Variants in CDH2 observed in about 807,000 individuals in gnomAD.
CDH2 encodes the protein cadherin 2, also known as cadherin-2.
In CDH2, 17 loss-of-function variants were observed where a neutral mutation model predicts 92.0. The ratio of observed to expected loss-of-function variants is 0.18; its 90% CI spans 0.13 to 0.28. CDH2 has a LOEUF of 0.28. Ranked by LOEUF, CDH2 falls within the 10% of genes least tolerant of loss-of-function variation. The pLI, the probability that CDH2 is intolerant of heterozygous loss-of-function variation, is 1.00. For missense variants in CDH2, 862 were observed against 1,133.1 expected, an observed-to-expected ratio of 0.76 and a Z score of 3.44; for synonymous variants, 419 against 415.9, an observed-to-expected ratio of 1.01 and a Z score of -0.09.
At position 27,952,268 on chromosome 18, in the gene CDH2, G is replaced by C; in HGVS notation, c.2606C>G (p.Ser869Cys). ...ACTTGAGGAATTAAGGGAGCTCAAG[G>C]ACCCAGCAGTGGAGCCACTGCCTTC... ...DYEGSGSTAG[S>C]LSSLNSSSSG... Residue 869 changes from serine to cysteine, a missense_variant, in exon 16 of 16, where the codon TCC (serine) becomes TGC (cysteine). This residue lies in a region of CDH2 where 114 missense variants were observed against 144.8 expected (regional missense o/e 0.79). Transcript: ENST00000269141. 2 of 1,613,518 alleles carry C rather than the reference G, an allele frequency of 1.2e-6. No homozygotes were observed. The highest frequency in any genetic ancestry group is 1.7e-6 in the Non-Finnish European group (2 of 1,179,618).
At chr18:28,102,077 C>G (rs1006301199) in intron 2 of CDH2, among the ~76,000 whole-genome samples, 5 of 152,074 alleles carry the variant, frequency 3.3e-5, no homozygotes, top group African/African-American at 1.2e-4. Flanking sequence ...TATCCACTCA[C>G]CTTAATCATG....
At chr18:28,112,250 A>G (rs2015425379) in intron 2 of CDH2, among the ~76,000 whole-genome samples, 1 of 152,220 alleles carries the variant, frequency 6.6e-6, no homozygotes, top group African/African-American at 2.4e-5. Context: ...GGTTTGTTTC[A>G]TATTTTAGCT....
chr18:28,005,650 TAAG>T (rs1311395554), intron 6 of CDH2, among the ~76,000 whole-genome samples, 196 bp downstream of exon 6: 1 of 152,036 alleles, frequency 6.6e-6, no homozygotes, highest in Admixed American at 6.5e-5. Context: ...GTATGAGTAA[TAAG>T]AAGGATTTTT....
chr18:28,132,826 A>T (rs910074146), intron 2 of CDH2, among the ~76,000 whole-genome samples: 4 of 152,128 alleles, frequency 2.6e-5, no homozygotes, highest in African/African-American at 9.7e-5. Flanking sequence ...TCCTCTCCCA[A>T]ATCCATAACT....
chr18:28,044,403 G>T (rs1174435410), intron 2 of CDH2, among the ~76,000 whole-genome samples: 1 of 152,064 alleles, frequency 6.6e-6, no homozygotes, highest in East Asian at 1.9e-4. Flanking sequence ...CTTAAACTGG[G>T]TTCTGTTACT....
intron 2 of CDH2, among the ~76,000 whole-genome samples, chr18:28,125,729 T>G (rs1192013131): frequency 1.3e-5 from 2 of 152,160 alleles, no homozygotes; most frequent in Non-Finnish European, 1.5e-5. Context: ...GTATGCACCC[T>G]AACAGGCACG....
intron 6 of CDH2, among the ~76,000 whole-genome samples, chr18:27,935,454 A>G (rs989882045): frequency 2.6e-5 from 4 of 152,178 alleles, no homozygotes; most frequent in African/African-American, 9.6e-5. Flanking sequence ...AACCACCCTC[A>G]TGATACAATC....
chr18:28,118,961 T>C (rs1021327218), intron 2 of CDH2, among the ~76,000 whole-genome samples: 7 of 152,092 alleles, frequency 4.6e-5, no homozygotes, highest in African/African-American at 7.2e-5. Context: ...TAAATAAAGT[T>C]ATTTTCCTTG....
chr18:27,977,568 AG>A (rs2011876530), intron 14 of CDH2, among the ~76,000 whole-genome samples: 1 of 152,140 alleles, frequency 6.6e-6, no homozygotes, highest in African/African-American at 2.4e-5. Context: ...TTGTCTTGGC[AG>A]GAAGAATAGG....
At chr18:28,145,740 AG>A (rs2016025242) in intron 2 of CDH2, among the ~76,000 whole-genome samples, 1 of 152,066 alleles carries the variant, frequency 6.6e-6, no homozygotes, top group African/African-American at 2.4e-5. Context: ...TATTTTAAAC[AG>A]TATGTTTCAA....
At chr18:28,042,536 C>A (rs2013967943) in intron 2 of CDH2, among the ~76,000 whole-genome samples, 1 of 152,080 alleles carries the variant, frequency 6.6e-6, no homozygotes, top group Non-Finnish European at 1.5e-5. Flanking sequence ...CTTTAACATA[C>A]CTTATAAAAT....
chr18:28,177,040 G>T lies in CDH2; in HGVS notation c.-18C>A. On this transcript the variant is annotated 5_prime_UTR_variant, in exon 1 of 16. Coordinates refer to ENST00000269141, the MANE Select transcript of CDH2 (RefSeq NM_001792.5). ...CGGCACATGGAGGCGGAGAGGGGCC[G>T]AGCGAAGAGCCGGAGGAGGCGGCGG... 6.7e-7 allele frequency: 1 copy of T among 1,486,276 alleles called. No individual in the cohort carries two copies. Among genetic ancestry groups the T allele is most frequent in the Non-Finnish European group, 8.9e-7 (1 of 1,121,498 alleles). The allele number at this position is 1,486,276 out of a possible 1,614,324, so 92.1% of individuals were successfully genotyped here. A position where few individuals can be genotyped will look rare whatever the true frequency, so the allele number is the denominator to read the frequency against.
At chr18:28,077,529 C>T (rs2014743598) in intron 2 of CDH2, among the ~76,000 whole-genome samples, 1 of 152,056 alleles carries the variant, frequency 6.6e-6, no homozygotes, top group Non-Finnish European at 1.5e-5. Flanking sequence ...AAAAGTCCTC[C>T]AAAATAGAGG....
In CDH2 at chr18:28,176,945, G is replaced by GCGGTC. The variant is rs2016554210; in HGVS notation, c.60+17_60+18insGACCG. The GCGGTC allele has an allele frequency of 1.7e-6, 2 of 1,211,786 alleles. No homozygotes were observed. The highest frequency in any genetic ancestry group is 3.2e-5 in the African/African-American group (2 of 62,976). 75.1% of individuals were successfully genotyped at this position (1,211,786 alleles called of 1,614,324 possible). ...CCCCACCCCGCCCGTGGCCCGGCCCGCGGGGACCGCCGCGTACCTGAAGCA... is the reference window on the plus strand; with the variant it reads ...CCCCACCCCGCCCGTGGCCCGGCCCGCGGTCCGGGGACCGCCGCGTACCTGAAGCA... On this transcript the variant is annotated intron_variant, in intron 1 of 15. Transcript: ENST00000269141.
chr18:28,176,944 C>A lies in CDH2; in HGVS notation c.60+19G>T. Reference sequence around the variant, plus strand: ...GCCCCACCCCGCCCGTGGCCCGGCCCGCGGGGACCGCCGCGTACCTGAAGC... The same window carrying A: ...GCCCCACCCCGCCCGTGGCCCGGCCAGCGGGGACCGCCGCGTACCTGAAGC... On this transcript the variant is annotated intron_variant, in intron 1 of 15. Transcript: ENST00000269141. 7.7e-7 allele frequency: 1 copy of A among 1,297,460 alleles called. No individual in the cohort carries two copies. The highest frequency in any genetic ancestry group is 9.8e-7 in the Non-Finnish European group (1 of 1,022,824). The allele number at this position is 1,297,460 out of a possible 1,614,324, so 80.4% of individuals were successfully genotyped here.
rs201543789 is a variant in CDH2 at position 27,985,059 on chromosome 18, C to G, written c.2150G>C (p.Gly717Ala). Residue 717 changes from glycine (G) to alanine (A), a missense_variant, in exon 13 of 16, where the codon GGT becomes GCT. Gly to Ala is a moderately conservative substitution (Grantham distance 60). Transcript: ENST00000269141. ...GDCTDVDRIV[G>A]AGLGTGAIIA... ...GATGGCACCGGTGCCAAGCCCCGCA[C>G]CCACAATCCTGTCCACATCTGTGCA... 144 of 1,614,056 alleles carry G rather than the reference C, an allele frequency of 8.9e-5. No homozygotes were observed. Among genetic ancestry groups the G allele is most frequent in the Admixed American group, 2.3e-4 (14 of 60,002 alleles).
intron 2 of CDH2, among the ~76,000 whole-genome samples, chr18:28,109,509 T>G (rs960057670): frequency 6.6e-6 from 1 of 152,176 alleles, no homozygotes; most frequent in African/African-American, 2.4e-5. Flanking sequence ...ACACCTCTGT[T>G]ACATTATTAT....
At chr18:27,997,650 A>T (rs1208444822) in intron 7 of CDH2, among the ~76,000 whole-genome samples, 1 of 152,138 alleles carries the variant, frequency 6.6e-6, no homozygotes, top group Non-Finnish European at 1.5e-5. Context: ...TGGGAGACTG[A>T]GGAGAAGGTC....
Position 28,167,481 on chromosome 18 carries a change from GATATAA to G in CDH2, c.60+9476_60+9481del, listed in dbSNP as rs573931214. On this transcript the variant is annotated intron_variant, in intron 1 of 15. Transcript: ENST00000269141. The stretch of plus-strand genomic sequence containing the variant: ...TTTTGTGACAATTACAAATACATAT[GATATAA>G]ATATAAGAAAGATTCTGCGTACTGA... 1.7e-3 allele frequency among the ~76,000 whole-genome samples: 254 copies of G among 152,144 alleles called. 1 individual carries two copies. The highest frequency in any genetic ancestry group is 5.9e-3 in the African/African-American group (243 of 41,516).
Sources: gnomAD v4.1 joint callset for allele counts (sites outside exome capture counted in the v4.1 genomes callset) on GRCh38, gnomAD v4.1.1 for gene constraint, gnomAD v4.1.1 regional missense constraint, MANE v1.5 for transcripts, NCBI Gene and HGNC (gene_info 2026-07-23, HGNC 2026-07-21) for gene names.